Variants in PRC1 observed in about 807,000 individuals in gnomAD.
PRC1 encodes the protein protein regulator of cytokinesis 1.
A neutral mutation model predicts 91.2 loss-of-function variants in PRC1; 54 were observed. The observed-to-expected ratio is 0.59, with a 90% CI of 0.48 to 0.74. The LOEUF (loss-of-function observed/expected upper bound fraction) is 0.74, where lower values mean the gene tolerates loss of function less well. Among genes scored for constraint, PRC1 ranks in the 30% least tolerant of loss-of-function variants. The pLI is 0.00. For synonymous variants in PRC1, 275 were observed against 263.6 expected (o/e 1.04, Z -0.42); for missense variants, 727 against 746.2 (o/e 0.97, Z 0.30).
chr15:90,971,790 G>A (rs889391808), intron 11 of PRC1, among the ~76,000 whole-genome samples: 1 of 151,952 alleles, frequency 6.6e-6, no homozygotes, highest in Non-Finnish European at 1.5e-5. Flanking sequence ...CACTTTGGGA[G>A]GCTGGGGCGG....
At chr15:90,989,024 C>A (rs1418130849) in intron 1 of PRC1, among the ~76,000 whole-genome samples, 1 of 151,880 alleles carries the variant, frequency 6.6e-6, no homozygotes. Flanking sequence ...GACATTTCTC[C>A]AAAGAAGATA....
chr15:90,966,971 A>G lies in PRC1; in HGVS notation c.*160T>C. 1 of 653,072 alleles carries G rather than the reference A, an allele frequency of 1.5e-6. No homozygotes were observed. Among genetic ancestry groups the G allele is most frequent in the South Asian group, 1.9e-5 (1 of 52,884 alleles). 40.5% of individuals were successfully genotyped at this position (653,072 alleles called of 1,614,324 possible). On this transcript the variant is annotated 3_prime_UTR_variant, in exon 15 of 15. Transcript: ENST00000394249. ...ACCACTAAACCTATGATGGGCTTTC[A>G]ACTGTAACACTCATTCACATCTTTA...
In PRC1 at chr15:90,967,025, C is replaced by T; in HGVS notation, c.*106G>A. On this transcript the variant is annotated 3_prime_UTR_variant, in exon 15 of 15. Transcript: ENST00000394249. Reference sequence around the variant, plus strand: ...TAGGCCCATGGTCATGGAACCTGGCCAAGGTTTCAAGCACGCCTAAGCTGA... The same window carrying T: ...TAGGCCCATGGTCATGGAACCTGGCTAAGGTTTCAAGCACGCCTAAGCTGA... 1 of 989,446 alleles carries T rather than the reference C, an allele frequency of 1.0e-6. No individual in the cohort carries two copies. Among genetic ancestry groups the T allele is most frequent in the South Asian group, 1.4e-5 (1 of 70,890 alleles). 61.3% of individuals were successfully genotyped at this position (989,446 alleles called of 1,614,324 possible).
intron 3 of PRC1, 67 bp downstream of exon 3, chr15:90,983,951 G>A: frequency 6.3e-7 from 1 of 1,576,068 alleles, no homozygotes. Flanking sequence ...GCAGGCCCAA[G>A]TCAACGTTGC....
intron 8 of PRC1, among the ~76,000 whole-genome samples, chr15:90,977,506 A>T: frequency 6.6e-6 from 1 of 151,650 alleles, no homozygotes; most frequent in East Asian, 1.9e-4. Context: ...GATGGTAGGT[A>T]ATTCATTTCT....
intron 8 of PRC1, among the ~76,000 whole-genome samples, chr15:90,978,792 G>T (rs60640465): frequency 0.11 from 16,095 of 147,504 alleles, 1,481 homozygotes; most frequent in East Asian, 0.46. Context: ...CCATCAGGGT[G>T]GGAGCTCTAG....
chr15:90,977,576 G>GT (rs777558725), intron 8 of PRC1, among the ~76,000 whole-genome samples: 20,430 of 95,472 alleles, frequency 0.21, 3,486 homozygotes, highest in South Asian at 0.45. Flanking sequence ...CCTTATTTAC[G>GT]TTTTTTTTTT....
Position 90,984,641 on chromosome 15 carries a change from C to T in PRC1, c.144+52G>A, listed in dbSNP as rs2039451095. On this transcript the variant is annotated intron_variant, in intron 2 of 14. Transcript: ENST00000394249. This position sits in a 1 kb window ranked among gnomAD's most constrained non-coding sequence, Gnocchi z 5.1. ...CTTCTGTATGCTATCTCGGGTGAGA[C>T]ACCAACATCCTTACCCTGGTCCAAT... is the stretch of plus-strand genomic sequence containing the variant. 2 of 1,601,844 alleles carry T rather than the reference C, an allele frequency of 1.2e-6. No individual in the cohort carries two copies. The highest frequency in any genetic ancestry group is 1.7e-4 in the Middle Eastern group (1 of 5,790).
chr15:90,970,583 C>G (rs1473520994), intron 11 of PRC1, 69 bp from the exon 12 acceptor site: 3 of 1,146,330 alleles, frequency 2.6e-6, no homozygotes, highest in African/African-American at 1.8e-5. Flanking sequence ...ACCTGTCTAC[C>G]CTACAGAGAA....
At chr15:90,968,931 G>A (rs1007526754) in intron 14 of PRC1, 148 bp downstream of exon 14, 15 of 1,477,840 alleles carry the variant, frequency 1.0e-5, no homozygotes, top group Non-Finnish European at 1.4e-5. Context: ...TAAATCAGAT[G>A]TGTTTTTTTG....
chr15:90,969,704 G>T (rs2037889271), intron 12 of PRC1, 81 bp from the exon 13 acceptor site: 1 of 1,215,974 alleles, frequency 8.2e-7, no homozygotes, highest in Admixed American at 2.6e-5. Context: ...ACTGGTCAAA[G>T]GCTGAGACTA....
At chr15:90,985,331 A>T (rs1478370816) in intron 1 of PRC1, among the ~76,000 whole-genome samples, 1 of 151,442 alleles carries the variant, frequency 6.6e-6, no homozygotes, top group East Asian at 1.9e-4. Flanking sequence ...TTTGCGTTCA[A>T]ATGATTCTCC....
chr15:90,970,341 G>A (rs2038002573), intron 12 of PRC1, 63 bp downstream of exon 12: 2 of 1,210,492 alleles, frequency 1.7e-6, no homozygotes, highest in Admixed American at 1.8e-5. Flanking sequence ...AAGTAGGTGG[G>A]GCCTCTGGGT....
intron 1 of PRC1, among the ~76,000 whole-genome samples, chr15:90,991,213 C>T (rs370966966): frequency 6.6e-6 from 1 of 151,462 alleles, no homozygotes; most frequent in African/African-American, 2.4e-5. Flanking sequence ...ATCAGGAGCT[C>T]GAGACCAGCC....
At chr15:90,972,065 G>A (rs1023030347) in intron 11 of PRC1, among the ~76,000 whole-genome samples, 3 of 149,060 alleles carry the variant, frequency 2.0e-5, no homozygotes, top group Non-Finnish European at 3.0e-5. Flanking sequence ...TTTAGGCCAG[G>A]CACAGTGGCT....
At chr15:90,979,512 G>C (rs2039012469) in intron 7 of PRC1, among the ~76,000 whole-genome samples, 2 of 152,198 alleles carry the variant, frequency 1.3e-5, no homozygotes, top group African/African-American at 4.8e-5. Context: ...GACTAGGATA[G>C]AGACTAAAAT....
chr15:90,972,672 G>A (rs1447474933), intron 11 of PRC1, among the ~76,000 whole-genome samples: 2 of 151,958 alleles, frequency 1.3e-5, no homozygotes, highest in Non-Finnish European at 2.9e-5. Flanking sequence ...CCAGGAGGCA[G>A]AGGCTGTAGT....
Position 90,969,429 on chromosome 15 carries a change from T to C in PRC1, c.1749+18A>G, listed in dbSNP as rs751542807. On this transcript the variant is annotated intron_variant, in intron 13 of 14. Transcript: ENST00000394249. ...TGTGCTCCCCAGAGACTGGTAGATA[T>C]TAGAAAAGGTGAATTACCGCAAACT... is the stretch of plus-strand genomic sequence containing the variant. The C allele has an allele frequency of 3.2e-6, 5 of 1,576,300 alleles. No homozygotes were observed. The highest frequency in any genetic ancestry group is 2.2e-5 in the East Asian group (1 of 44,484).
intron 11 of PRC1, among the ~76,000 whole-genome samples, chr15:90,972,275 A>G (rs912186008): frequency 4.0e-5 from 6 of 149,872 alleles, no homozygotes; most frequent in Non-Finnish European, 7.4e-5. Context: ...TCTCAGCTAC[A>G]TGGGAGGCTG....
Sources: allele counts gnomAD v4.1 joint callset (sites outside exome capture counted in the v4.1 genomes callset), GRCh38; gene constraint gnomAD v4.1.1; non-coding constraint Gnocchi (gnomAD v3.1); transcripts MANE v1.5; gene names NCBI Gene and HGNC (gene_info 2026-07-23, HGNC 2026-07-21).